NRG1: variants seen among roughly 807,000 people sequenced by gnomAD.
The protein encoded by NRG1 is neuregulin 1.
In NRG1, 18 loss-of-function variants were observed where a neutral mutation model predicts 63.8. The ratio of observed to expected loss-of-function variants is 0.28; its 90% CI spans 0.19 to 0.42. The LOEUF (loss-of-function observed/expected upper bound fraction) is 0.42, where lower values mean the gene tolerates loss of function less well. NRG1 is among the 10% of genes least tolerant of loss of function. The pLI is 1.00. For synonymous variants in NRG1, 302 were observed against 301.3 expected (o/e 1.00, Z -0.02); for missense variants, 762 against 814.7 (o/e 0.94, Z 0.79).
rs567394006 is a variant in NRG1, at chr8:32,174,155, G to T, written c.38-421673G>T. Among the ~76,000 whole-genome samples, 18 of 152,298 alleles carry T rather than the reference G, an allele frequency of 1.2e-4. No individual in the cohort carries two copies. In the South Asian group the frequency reaches 3.5e-3, roughly 30 times the overall value. ...AACAAACTGTCTCTCAGACCACAGT[G>T]CAATCAAACTAGTACTCAGGATTAA... On this transcript the variant is annotated intron_variant, in intron 1 of 10. Coordinates refer to the NRG1 transcript ENST00000519301.
intron 1 of NRG1, among the ~76,000 whole-genome samples, chr8:32,093,935 A>G (rs1000865260): frequency 2.6e-5 from 4 of 152,172 alleles, no homozygotes; most frequent in African/African-American, 9.7e-5. Context: ...ATGATGCAAA[A>G]ACATGAGCGG....
chr8:32,425,768 A>AAT, intron 1 of NRG1, among the ~76,000 whole-genome samples: 1 of 152,136 alleles, frequency 6.6e-6, no homozygotes, highest in South Asian at 2.1e-4. Context: ...TAAAGTTTCT[A>AAT]ATATTAAAGT....
At chr8:32,409,444 A>G (rs766298237) in intron 1 of NRG1, among the ~76,000 whole-genome samples, 1 of 152,224 alleles carries the variant, frequency 6.6e-6, no homozygotes. Context: ...GCACAGCAAA[A>G]GATATAATCA....
At chr8:32,310,612 C>G (rs1856709587) in intron 1 of NRG1, among the ~76,000 whole-genome samples, 1 of 152,150 alleles carries the variant, frequency 6.6e-6, no homozygotes, top group African/African-American at 2.4e-5. Flanking sequence ...TTATAGAACC[C>G]ATTCAGTGAG....
At chr8:31,932,744 T>C (rs1834968959) in intron 1 of NRG1, among the ~76,000 whole-genome samples, 1 of 152,236 alleles carries the variant, frequency 6.6e-6, no homozygotes, top group African/African-American at 2.4e-5. Flanking sequence ...GAGATCATGC[T>C]AGGCTCTCAT....
intron 1 of NRG1, among the ~76,000 whole-genome samples, chr8:31,655,557 A>G (rs7840792): frequency 0.9 from 137,543 of 152,202 alleles, 63,539 homozygotes; most frequent in Non-Finnish European, 1. Flanking sequence ...GGGTCTGAGA[A>G]GTAAGGAACA....
At chr8:32,533,107 A>G (rs1465006579) in intron 1 of NRG1, among the ~76,000 whole-genome samples, 2 of 151,958 alleles carry the variant, frequency 1.3e-5, no homozygotes, top group Non-Finnish European at 2.9e-5. Flanking sequence ...TACGGTCCAT[A>G]ACACTTGGAG....
At chr8:31,851,400 T>G (rs1262258880) in intron 1 of NRG1, among the ~76,000 whole-genome samples, 8 of 152,284 alleles carry the variant, frequency 5.3e-5, no homozygotes, top group Admixed American at 1.3e-4. Context: ...GCCTGGTTGG[T>G]GAAAGGCAGA....
At chr8:32,565,025 A>G (rs1837179995) in intron 1 of NRG1, among the ~76,000 whole-genome samples, 1 of 152,150 alleles carries the variant, frequency 6.6e-6, no homozygotes, top group African/African-American at 2.4e-5. Context: ...AACCATGATC[A>G]TATCACTGCA....
At chr8:32,102,261 C>T (rs545441203) in intron 1 of NRG1, among the ~76,000 whole-genome samples, 1 of 152,218 alleles carries the variant, frequency 6.6e-6, no homozygotes, top group South Asian at 2.1e-4. Context: ...CCTCAGCCTC[C>T]CAAGTAGCTG....
chr8:32,526,902 G>A (rs976151955), intron 1 of NRG1, among the ~76,000 whole-genome samples: 1 of 152,044 alleles, frequency 6.6e-6, no homozygotes, highest in African/African-American at 2.4e-5. Context: ...GGTCTACAGG[G>A]CTCCATTTGT....
At chr8:32,310,239 G>A (rs539144273) in intron 1 of NRG1, among the ~76,000 whole-genome samples, 3 of 152,288 alleles carry the variant, frequency 2.0e-5, no homozygotes, top group East Asian at 3.9e-4. Context: ...TTGTTGTTTT[G>A]AATGGAATGC....
intron 1 of NRG1, among the ~76,000 whole-genome samples, chr8:31,710,440 G>A (rs1471653943): frequency 6.6e-6 from 1 of 151,702 alleles, no homozygotes; most frequent in South Asian, 2.1e-4. Context: ...CATTAATGAT[G>A]CTACTCTATT....
At chr8:32,378,760 C>A (rs1809957031) in intron 1 of NRG1, among the ~76,000 whole-genome samples, 1 of 133,448 alleles carries the variant, frequency 7.5e-6, no homozygotes, top group African/African-American at 2.7e-5. Context: ...CAAATGCTAT[C>A]CCTCCCCCGT....
intron 1 of NRG1, among the ~76,000 whole-genome samples, chr8:32,233,360 C>T (rs948614865): frequency 2.0e-5 from 3 of 151,742 alleles, no homozygotes; most frequent in Non-Finnish European, 4.4e-5. Context: ...AATCCTCCCA[C>T]CTCCTCCTCC....
At chr8:31,852,369 G>C (rs1457328837) in intron 1 of NRG1, among the ~76,000 whole-genome samples, 1 of 151,810 alleles carries the variant, frequency 6.6e-6, no homozygotes, top group African/African-American at 2.4e-5. Flanking sequence ...GTGATGGTGA[G>C]CATTTTTTCA....
chr8:32,760,278 G>A, exon 11 of NRG1: 2 of 1,614,060 alleles, frequency 1.2e-6, no homozygotes, highest in African/African-American at 1.3e-5. Flanking sequence ...AAAACAGTAG[G>A]CACAGCAGCC....
rs191548013 is a variant in NRG1, at chr8:31,908,909, C to A, written c.37+269478C>A. Among the ~76,000 whole-genome samples the A allele has an allele frequency of 7.9e-5, 12 of 152,170 alleles. No homozygotes were observed. In the East Asian group the frequency reaches 2.3e-3, roughly 29 times the overall value. The stretch of plus-strand genomic sequence containing the variant: ...AGTTCATTGATTATGAGTTGAGTAA[C>A]CATGATATGCTAGTATCTTTTCAAA... On this transcript the variant is annotated intron_variant, in intron 1 of 10. Transcript: ENST00000519301.
chr8:32,586,690 G>C (rs187411051), intron 1 of NRG1, among the ~76,000 whole-genome samples: 5 of 152,128 alleles, frequency 3.3e-5, no homozygotes, highest in Non-Finnish European at 7.3e-5. Context: ...TTAGACTTAC[G>C]ACATTAAGTT....
Sources: gnomAD v4.1 joint callset for allele counts (sites outside exome capture counted in the v4.1 genomes callset) on GRCh38, gnomAD v4.1.1 for gene constraint, MANE v1.5 for transcripts, NCBI Gene and HGNC (gene_info 2026-07-23, HGNC 2026-07-21) for gene names.